Variants in TRAPPC8 observed in about 807,000 individuals in gnomAD.
TRAPPC8 encodes the protein trafficking protein particle complex subunit 8.
Under a neutral mutation model 174.3 loss-of-function variants are expected in TRAPPC8, and 54 were observed. The observed-to-expected ratio is 0.31, with a 90% CI of 0.25 to 0.39. The LOEUF (loss-of-function observed/expected upper bound fraction) is 0.39, where lower values mean the gene tolerates loss of function less well. Ranked by LOEUF, TRAPPC8 falls within the 10% of genes least tolerant of loss-of-function variation. The pLI is 1.00. For missense variants in TRAPPC8, 1,531 were observed against 1,699.1 expected, an observed-to-expected ratio of 0.90 and a Z score of 1.74; for synonymous variants, 630 against 579.9, an observed-to-expected ratio of 1.09 and a Z score of -1.24.
intron 10 of TRAPPC8, among the ~76,000 whole-genome samples, 153 bp from the exon 11 acceptor site, chr18:31,898,044 G>C (rs1192636539): frequency 6.6e-6 from 1 of 152,120 alleles, no homozygotes; most frequent in Admixed American, 6.5e-5. Context: ...TCCAAGGTTT[G>C]TCAAGTTCCT....
intron 2 of TRAPPC8, chr18:31,926,396 C>T (rs990107327): frequency 2.6e-5 from 4 of 151,652 alleles, no homozygotes; most frequent in Admixed American, 6.6e-5. Flanking sequence ...ATTAATCTCT[C>T]GAGTAGAAAA....
chr18:31,850,613 GTA>G (rs1431519472), intron 24 of TRAPPC8, among the ~76,000 whole-genome samples: 1 of 152,110 alleles, frequency 6.6e-6, no homozygotes, highest in Non-Finnish European at 1.5e-5. Flanking sequence ...TACAGGCTAT[GTA>G]TATATCATGT....
At chr18:31,846,605 A>G (rs2033418856) in intron 26 of TRAPPC8, 111 bp downstream of exon 26, 1 of 834,042 alleles carries the variant, frequency 1.2e-6, no homozygotes, top group Admixed American at 2.4e-5. Flanking sequence ...CCAAAAAACA[A>G]AACCTGAACA....
chr18:31,878,677 T>G (rs1399644168), intron 12 of TRAPPC8, among the ~76,000 whole-genome samples: 1 of 152,070 alleles, frequency 6.6e-6, no homozygotes, highest in Non-Finnish European at 1.5e-5. Flanking sequence ...CAAAAATAGC[T>G]TAATTGTTCT....
At chr18:31,919,847 G>A (rs2037310556) in intron 2 of TRAPPC8, among the ~76,000 whole-genome samples, 1 of 151,818 alleles carries the variant, frequency 6.6e-6, no homozygotes, top group African/African-American at 2.4e-5. Context: ...GGCGACAGGA[G>A]TGAGACCCTG....
In TRAPPC8 at chr18:31,863,000, C is replaced by T. The variant is rs139260761; in HGVS notation, c.2745+1627G>A. ...CTGGGAGACGGAGGTTGCAGTGAGC[C>T]GAGATCCTGCCACTGCACTTCAGCC... On this transcript the variant is annotated intron_variant, in intron 19 of 28. Transcript: ENST00000283351. 3.0e-3 allele frequency among the ~76,000 whole-genome samples: 438 copies of T among 146,868 alleles called. 2 individuals are homozygous for T. Among genetic ancestry groups the T allele is most frequent in the African/African-American group, 9.6e-3 (381 of 39,804 alleles).
Position 31,870,507 on chromosome 18 carries a change from T to TA in TRAPPC8, c.2258-6dup, listed in dbSNP as rs35527481. The TA allele has an allele frequency of 9.0e-5, 144 of 1,594,746 alleles. No individual in the cohort carries two copies. The highest frequency in any genetic ancestry group is 1.7e-4 in the Middle Eastern group (1 of 5,952). ...CCACTTCCACTGTAATTGGTTCTAT[T>TA]AAAAAAAAGGCCTAAATTAATAACT... is the stretch of plus-strand genomic sequence containing the variant. On this transcript the variant is annotated splice_region_variant and splice_polypyrimidine_tract_variant and intron_variant, in intron 15 of 28. Coordinates refer to ENST00000283351, the MANE Select transcript of TRAPPC8 (RefSeq NM_014939.5).
chr18:31,873,379 G>T lies in TRAPPC8; in HGVS notation c.2062+51C>A, dbSNP rs762674574. The T allele has an allele frequency of 7.0e-6, 10 of 1,430,734 alleles. No homozygotes were observed. In the South Asian group the frequency reaches 8.8e-5, roughly 13 times the overall value. 88.6% of individuals were successfully genotyped at this position (1,430,734 alleles called of 1,614,324 possible). A position where few individuals can be genotyped will look rare whatever the true frequency, so the allele number is the denominator to read the frequency against. On this transcript the variant is annotated intron_variant, in intron 14 of 28. Transcript: ENST00000283351. ...TTTTTAAATGGAGAAAGGAAAAGAA[G>T]TTTTTTTTAAATTGTCATTAGGTAA...
intron 1 of TRAPPC8, 61 bp downstream of exon 1, chr18:31,942,547 A>C (rs1452512368): frequency 4.1e-6 from 6 of 1,466,856 alleles, no homozygotes; most frequent in Non-Finnish European, 2.7e-6. Context: ...CCCGCCCGCA[A>C]CTTCCTTCTC....
At chr18:31,864,905 T>C in intron 18 of TRAPPC8, 124 bp from the exon 19 acceptor site, 1 of 834,690 alleles carries the variant, frequency 1.2e-6, no homozygotes. Context: ...CAATTTTGAT[T>C]AACATGATTA....
rs771350273 is a variant in TRAPPC8, at chr18:31,832,087, G to C, written c.4070C>G (p.Thr1357Arg). The change falls in exon 28 of 29, where the codon ACA becomes AGA. Residue 1357 changes from threonine (T) to arginine (R), a missense_variant. Physicochemically the swap from Thr to Arg is moderately conservative, Grantham distance 71. Transcript: ENST00000283351. ...DVIVDLRHKT[T>R]SPEALEIHGS... Reference sequence around the variant, plus strand: ...CTTGCACTAAACAAATCTTTACCTTGTTGTTTTATGCCGAAGATCAACTAT... The same window carrying C: ...CTTGCACTAAACAAATCTTTACCTTCTTGTTTTATGCCGAAGATCAACTAT... 8 of 1,532,658 alleles carry C rather than the reference G, an allele frequency of 5.2e-6. No individual in the cohort carries two copies. The Admixed American group carries it at 1.9e-4, about 36-fold the overall frequency. The allele number at this position is 1,532,658 out of a possible 1,614,324, so 94.9% of individuals were successfully genotyped here.
chr18:31,933,377 C>T (rs72932147), intron 1 of TRAPPC8, among the ~76,000 whole-genome samples: 4 of 151,710 alleles, frequency 2.6e-5, no homozygotes, highest in Admixed American at 6.6e-5. Flanking sequence ...TGATTTAAAT[C>T]CCAACCCATT....
chr18:31,908,569 A>G (rs1377326649), intron 7 of TRAPPC8, 151 bp from the exon 8 acceptor site: 3 of 879,308 alleles, frequency 3.4e-6, no homozygotes, highest in Non-Finnish European at 4.9e-6. Flanking sequence ...GCAAAATCCT[A>G]TTGAAAATGA....
At chr18:31,872,624 T>C (rs1388146943) in intron 14 of TRAPPC8, among the ~76,000 whole-genome samples, 1 of 152,090 alleles carries the variant, frequency 6.6e-6, no homozygotes, top group Non-Finnish European at 1.5e-5. Flanking sequence ...TTTCACCATG[T>C]TGGCCAGGAT....
At chr18:31,933,096 C>T (rs1476566435) in intron 1 of TRAPPC8, among the ~76,000 whole-genome samples, 1 of 150,272 alleles carries the variant, frequency 6.7e-6, no homozygotes, top group Non-Finnish European at 1.5e-5. Context: ...GGTCAGGAGA[C>T]CGAGACCATC....
chr18:31,936,302 AATTT>A (rs953396028), intron 1 of TRAPPC8, among the ~76,000 whole-genome samples: 5 of 151,614 alleles, frequency 3.3e-5, no homozygotes, highest in Non-Finnish European at 7.4e-5. Flanking sequence ...CTACAAAAAA[AATTT>A]TTTTTTTAAT....
chr18:31,884,922 C>T (rs2035633537), intron 12 of TRAPPC8, among the ~76,000 whole-genome samples: 1 of 149,686 alleles, frequency 6.7e-6, no homozygotes, highest in Non-Finnish European at 1.5e-5. Flanking sequence ...GGCGCGATAT[C>T]AGCTCACTGC....
chr18:31,913,539 A>G lies in TRAPPC8; in HGVS notation c.618-17T>C. 1 of 1,556,498 alleles carries G rather than the reference A, an allele frequency of 6.4e-7. No individual in the cohort carries two copies. The highest frequency in any genetic ancestry group is 8.6e-7 in the Non-Finnish European group (1 of 1,156,628). On this transcript the variant is annotated splice_polypyrimidine_tract_variant and intron_variant, in intron 4 of 28. Coordinates refer to ENST00000283351, the MANE Select transcript of TRAPPC8 (RefSeq NM_014939.5). ...GATTCAGCTCTAAAACAGAAAATGG[A>G]AAAAAATCTGAAGTAAAAGAGGAGC... is the stretch of plus-strand genomic sequence containing the variant.
intron 12 of TRAPPC8, among the ~76,000 whole-genome samples, chr18:31,880,714 A>T (rs1434320287): frequency 6.6e-6 from 1 of 152,100 alleles, no homozygotes; most frequent in African/African-American, 2.4e-5. Flanking sequence ...AAGTGAAATG[A>T]TCTTTGTTCA....
Sources: allele counts gnomAD v4.1 joint callset (sites outside exome capture counted in the v4.1 genomes callset), GRCh38; gene constraint gnomAD v4.1.1; transcripts MANE v1.5; gene names NCBI Gene and HGNC (gene_info 2026-07-23, HGNC 2026-07-21).